SLIT3: variants seen among roughly 807,000 people sequenced by gnomAD.
The protein encoded by SLIT3 is slit guidance ligand 3.
A neutral mutation model predicts 184.0 loss-of-function variants in SLIT3; 68 were observed. The observed-to-expected ratio is 0.37, with a 90% CI of 0.30 to 0.45. The LOEUF is 0.45. Among genes scored for constraint, SLIT3 ranks in the 20% least tolerant of loss-of-function variants. The pLI is 1.00. For missense variants in SLIT3, 1,707 were observed against 2,026.0 expected (o/e 0.84, Z 3.02); for synonymous variants, 831 against 828.6 (o/e 1.00, Z -0.05).
chr5:169,249,228 C>T (rs947771310), intron 2 of SLIT3, among the ~76,000 whole-genome samples: 5 of 152,112 alleles, frequency 3.3e-5, no homozygotes, highest in Non-Finnish European at 4.4e-5. Context: ...TAATAAAGGG[C>T]CACTTGAATG....
intron 4 of SLIT3, among the ~76,000 whole-genome samples, chr5:169,055,919 C>A (rs886917434): frequency 1.3e-5 from 2 of 151,934 alleles, no homozygotes; most frequent in African/African-American, 2.4e-5. Flanking sequence ...GGCCATCATA[C>A]GAAATTAAGA....
intron 4 of SLIT3, among the ~76,000 whole-genome samples, chr5:169,064,826 G>A (rs183534693): frequency 2.0e-5 from 3 of 152,246 alleles, no homozygotes; most frequent in Admixed American, 6.5e-5. Flanking sequence ...CTCCCAGAAC[G>A]TTACACCTAT....
At chr5:168,856,452 G>A (rs1012574667) in intron 5 of SLIT3, among the ~76,000 whole-genome samples, 5 of 152,160 alleles carry the variant, frequency 3.3e-5, no homozygotes, top group Non-Finnish European at 5.9e-5. Flanking sequence ...AGAAACATGA[G>A]GGAATTTAAT....
At chr5:169,256,539 C>T (rs900099360) in intron 1 of SLIT3, among the ~76,000 whole-genome samples, 1 of 152,184 alleles carries the variant, frequency 6.6e-6, no homozygotes, top group South Asian at 2.1e-4. Context: ...GTATCCCTGT[C>T]GTTAAACACA....
intron 4 of SLIT3, among the ~76,000 whole-genome samples, chr5:169,131,035 G>A (rs1274347394): frequency 6.6e-6 from 1 of 152,134 alleles, no homozygotes; most frequent in Non-Finnish European, 1.5e-5. Context: ...TCCGGAAAAG[G>A]GCAGAGTGCC....
chr5:169,048,993 C>G (rs1373563350), intron 4 of SLIT3, among the ~76,000 whole-genome samples: 1 of 152,170 alleles, frequency 6.6e-6, no homozygotes, highest in Non-Finnish European at 1.5e-5. Context: ...ATTGGACATT[C>G]AGTGGATGAC....
At chr5:168,810,197 G>T (rs1028516933) in intron 8 of SLIT3, among the ~76,000 whole-genome samples, 2 of 152,236 alleles carry the variant, frequency 1.3e-5, no homozygotes, top group Admixed American at 1.3e-4. Context: ...ATGACTGTAA[G>T]TTGGGAAACA....
At chr5:169,058,255 A>G (rs934950788) in intron 4 of SLIT3, among the ~76,000 whole-genome samples, 2 of 152,232 alleles carry the variant, frequency 1.3e-5, no homozygotes, top group African/African-American at 4.8e-5. Flanking sequence ...TGCAAATACC[A>G]TCACAGCCTT....
chr5:169,200,213 C>A lies in SLIT3; in HGVS notation c.342-6663G>T, dbSNP rs530487418. 4.6e-5 allele frequency among the ~76,000 whole-genome samples: 7 copies of A among 152,344 alleles called. No homozygotes were observed. The South Asian group carries it at 1.5e-3, about 32-fold the overall frequency. On this transcript the variant is annotated intron_variant, in intron 3 of 35. Coordinates refer to ENST00000519560, the MANE Select transcript of SLIT3 (RefSeq NM_003062.4). ...GGCCTGGGCATGGCCCACTGCACATCAAATCCCCTCCTTTCCTCAGGGAGC... is the reference window on the plus strand; with the variant it reads ...GGCCTGGGCATGGCCCACTGCACATAAAATCCCCTCCTTTCCTCAGGGAGC...
intron 4 of SLIT3, among the ~76,000 whole-genome samples, chr5:168,926,594 T>C (rs1178924579): frequency 6.6e-6 from 1 of 152,202 alleles, no homozygotes; most frequent in Admixed American, 6.5e-5. Context: ...TCTAACCGTG[T>C]TAAAGCCCCG....
intron 10 of SLIT3, chr5:168,792,162 C>T (rs558386457): frequency 6.6e-6 from 1 of 152,280 alleles, no homozygotes; most frequent in African/African-American, 2.4e-5. Context: ...GATGGAGGCA[C>T]AATGCAGGGC....
At chr5:169,218,161 G>A (rs1764509592) in intron 3 of SLIT3, among the ~76,000 whole-genome samples, 1 of 152,192 alleles carries the variant, frequency 6.6e-6, no homozygotes, top group Admixed American at 6.5e-5. Flanking sequence ...TGTACCAGCT[G>A]CATGCTTACT....
chr5:169,121,838 G>C (rs1760884748), intron 4 of SLIT3, among the ~76,000 whole-genome samples: 1 of 152,198 alleles, frequency 6.6e-6, no homozygotes, highest in Admixed American at 6.5e-5. Flanking sequence ...CAGTATCCAG[G>C]ATAATGACGC....
At chr5:168,799,669 C>T (rs1343083615) in intron 9 of SLIT3, among the ~76,000 whole-genome samples, 2 of 152,086 alleles carry the variant, frequency 1.3e-5, no homozygotes, top group African/African-American at 4.8e-5. Context: ...TTAAAAGGTC[C>T]TGGAGTGTGT....
chr5:169,153,881 G>C (rs1433902245), intron 4 of SLIT3, among the ~76,000 whole-genome samples: 4 of 152,066 alleles, frequency 2.6e-5, no homozygotes, highest in African/African-American at 9.7e-5. Flanking sequence ...TGAACTACTT[G>C]GCCCCTTAGT....
chr5:169,285,675 A>C (rs2113652218), intron 1 of SLIT3, among the ~76,000 whole-genome samples: 1 of 152,340 alleles, frequency 6.6e-6, no homozygotes, highest in South Asian at 2.1e-4. Flanking sequence ...CCATGTGAGA[A>C]GTTAGACTAC....
chr5:169,145,331 G>C (rs1342006099), intron 4 of SLIT3, among the ~76,000 whole-genome samples: 6 of 152,114 alleles, frequency 3.9e-5, no homozygotes, highest in Admixed American at 3.3e-4. Flanking sequence ...CTGAGGACAG[G>C]GGCCTTTCCG....
At chr5:169,028,244 G>GAA (rs113331358) in intron 4 of SLIT3, among the ~76,000 whole-genome samples, 2,526 of 147,858 alleles carry the variant, frequency 0.017, 70 homozygotes, top group African/African-American at 0.059. Context: ...TTAGTGATGG[G>GAA]AAAAAAAAAA....
intron 4 of SLIT3, among the ~76,000 whole-genome samples, chr5:169,001,653 A>G (rs1755706555): frequency 6.6e-6 from 1 of 152,226 alleles, no homozygotes; most frequent in Non-Finnish European, 1.5e-5. Flanking sequence ...TGGTTTTGAT[A>G]ACCTAAGCTG....
Sources: gnomAD v4.1 joint callset for allele counts (sites outside exome capture counted in the v4.1 genomes callset) on GRCh38, gnomAD v4.1.1 for gene constraint, MANE v1.5 for transcripts, NCBI Gene and HGNC (gene_info 2026-07-23, HGNC 2026-07-21) for gene names.